GABRB1: variants seen among roughly 807,000 people sequenced by gnomAD.
GABRB1 encodes the protein gamma-aminobutyric acid type A receptor subunit beta1, also known as gamma-aminobutyric acid receptor subunit beta-1.
In GABRB1, 17 loss-of-function variants were observed where a neutral mutation model predicts 51.6. The observed-to-expected ratio is 0.33, with a 90% CI of 0.23 to 0.49. The LOEUF (loss-of-function observed/expected upper bound fraction) is 0.49, where lower values mean the gene tolerates loss of function less well. Ranked by LOEUF, GABRB1 falls within the 20% of genes least tolerant of loss-of-function variation. The pLI, the probability that GABRB1 is intolerant of heterozygous loss-of-function variation, is 0.99. For missense variants in GABRB1, 410 were observed against 600.6 expected (o/e 0.68, Z 3.32); for synonymous variants, 247 against 218.9 (o/e 1.13, Z -1.14).
At chr4:47,343,190 C>T (rs915624844) in intron 5 of GABRB1, among the ~76,000 whole-genome samples, 39 of 151,506 alleles carry the variant, frequency 2.6e-4, no homozygotes, top group South Asian at 2.1e-4. Flanking sequence ...AAAACAGACC[C>T]GAGACAGGGT....
intron 3 of GABRB1, among the ~76,000 whole-genome samples, chr4:47,053,596 C>T (rs1432976919): frequency 6.6e-6 from 1 of 152,208 alleles, no homozygotes; most frequent in Admixed American, 6.5e-5. Context: ...TCAGCTATAG[C>T]AGTCTTTGTA....
chr4:47,010,196 G>C (rs912901939), intron 1 of GABRB1, among the ~76,000 whole-genome samples: 26 of 152,286 alleles, frequency 1.7e-4, no homozygotes, highest in African/African-American at 6.3e-4. Flanking sequence ...CAATGCAGGA[G>C]GAATTGCAAT....
At chr4:47,375,214 C>G (rs1727337813) in intron 5 of GABRB1, among the ~76,000 whole-genome samples, 1 of 152,140 alleles carries the variant, frequency 6.6e-6, no homozygotes, top group Admixed American at 6.6e-5. Flanking sequence ...AGATTTCAAG[C>G]TGGGAGTGAC....
At chr4:47,216,124 G>A (rs967819208) in intron 4 of GABRB1, among the ~76,000 whole-genome samples, 3 of 151,974 alleles carry the variant, frequency 2.0e-5, no homozygotes, top group African/African-American at 7.2e-5. Flanking sequence ...GTTTTAAGAA[G>A]AGAACTTACA....
At chr4:46,995,695 A>G (rs1723971215) in intron 1 of GABRB1, among the ~76,000 whole-genome samples, 1 of 152,150 alleles carries the variant, frequency 6.6e-6, no homozygotes, top group Non-Finnish European at 1.5e-5. Flanking sequence ...TCTAAAACCT[A>G]AATTTGTATT....
chr4:47,297,097 C>T (rs1447792663), intron 4 of GABRB1, among the ~76,000 whole-genome samples: 1 of 151,974 alleles, frequency 6.6e-6, no homozygotes, highest in African/African-American at 2.4e-5. Context: ...ATCTCTGGGA[C>T]ACATTCAAAG....
intron 3 of GABRB1, among the ~76,000 whole-genome samples, chr4:47,094,013 A>T (rs929987488): frequency 2.0e-5 from 3 of 150,648 alleles, no homozygotes; most frequent in Non-Finnish European, 4.4e-5. Flanking sequence ...ATTCCATAAC[A>T]TTCTCCCAGT....
intron 3 of GABRB1, among the ~76,000 whole-genome samples, chr4:47,088,024 A>G (rs1728149626): frequency 6.6e-6 from 1 of 152,186 alleles, no homozygotes; most frequent in African/African-American, 2.4e-5. Flanking sequence ...GGAAATGTTA[A>G]GTTGGTATTA....
intron 3 of GABRB1, among the ~76,000 whole-genome samples, chr4:47,138,779 G>T (rs2109688558): frequency 6.6e-6 from 1 of 152,194 alleles, no homozygotes; most frequent in Non-Finnish European, 1.5e-5. Flanking sequence ...GATGCCATTT[G>T]ATACCTGGAT....
At chr4:47,195,139 G>T (rs186137342) in intron 4 of GABRB1, among the ~76,000 whole-genome samples, 31 of 152,292 alleles carry the variant, frequency 2.0e-4, no homozygotes, top group African/African-American at 4.8e-4. Context: ...GGCCGAGGCA[G>T]GCGGATCACG....
At chr4:47,186,932 G>A (rs1007691349) in intron 4 of GABRB1, among the ~76,000 whole-genome samples, 12 of 151,832 alleles carry the variant, frequency 7.9e-5, no homozygotes, top group African/African-American at 2.9e-4. Flanking sequence ...TAATTATTTT[G>A]TTACATTCCT....
intron 5 of GABRB1, among the ~76,000 whole-genome samples, chr4:47,388,025 C>G (rs1003804002): frequency 2.0e-5 from 3 of 152,072 alleles, no homozygotes; most frequent in African/African-American, 7.2e-5. Flanking sequence ...CCATTGGTGT[C>G]AAAGGTTCAG....
intron 4 of GABRB1, among the ~76,000 whole-genome samples, chr4:47,300,117 C>T (rs1724194313): frequency 6.7e-6 from 1 of 150,184 alleles, no homozygotes; most frequent in Non-Finnish European, 1.5e-5. Context: ...GGAGGGATAG[C>T]ATTAGGAGAT....
intron 3 of GABRB1, among the ~76,000 whole-genome samples, chr4:47,141,101 C>A (rs948001131): frequency 2.6e-5 from 4 of 151,076 alleles, no homozygotes; most frequent in African/African-American, 7.3e-5. Context: ...TAAAAAAAAA[C>A]AACTAATATC....
intron 5 of GABRB1, among the ~76,000 whole-genome samples, chr4:47,364,417 G>A (rs375169887): frequency 6.6e-6 from 1 of 151,916 alleles, no homozygotes; most frequent in Non-Finnish European, 1.5e-5. Context: ...AAGGGATGGA[G>A]AACAAGAAGA....
intron 3 of GABRB1, among the ~76,000 whole-genome samples, chr4:47,089,147 A>G (rs1356080318): frequency 2.0e-5 from 3 of 152,174 alleles, no homozygotes; most frequent in Admixed American, 1.3e-4. Context: ...ATAGGGGAAA[A>G]ACCTCCAAAA....
rs143864530 is a variant in GABRB1, at chr4:47,018,259, C to T, written c.-19-13655C>T. Reference sequence around the variant, plus strand: ...CCCAGGTTGGTCTTGAACTCCTGGCCTCTGTCTGGCCTCAAGTCATCCACC... The same window carrying T: ...CCCAGGTTGGTCTTGAACTCCTGGCTTCTGTCTGGCCTCAAGTCATCCACC... On this transcript the variant is annotated intron_variant, in intron 1 of 3. Coordinates refer to the GABRB1 transcript ENST00000513567. 3.7e-3 allele frequency among the ~76,000 whole-genome samples: 559 copies of T among 151,828 alleles called. 4 individuals are homozygous for T. Among genetic ancestry groups the T allele is most frequent in the Middle Eastern group, 0.014 (4 of 294 alleles).
chr4:47,349,023 C>T (rs146571614), intron 5 of GABRB1, among the ~76,000 whole-genome samples: 65 of 152,184 alleles, frequency 4.3e-4, no homozygotes, highest in African/African-American at 1.5e-3. Flanking sequence ...TGGATAAACA[C>T]GGATGCCATC....
chr4:47,029,233 A>G (rs905826900), upstream of GABRB1, among the ~76,000 whole-genome samples: 1 of 151,944 alleles, frequency 6.6e-6, no homozygotes, highest in Non-Finnish European at 1.5e-5. Context: ...GGCATCTTTG[A>G]CTTTACTAGT....
Sources: gnomAD v4.1 joint callset for allele counts (sites outside exome capture counted in the v4.1 genomes callset) on GRCh38, gnomAD v4.1.1 for gene constraint, MANE v1.5 for transcripts, NCBI Gene and HGNC (gene_info 2026-07-23, HGNC 2026-07-21) for gene names.